FRMPD1: variants seen among roughly 807,000 people sequenced by gnomAD.
The protein encoded by FRMPD1 is FERM and PDZ domain containing 1.
In FRMPD1, 76 loss-of-function variants were observed where a neutral mutation model predicts 117.8. That is an observed-to-expected ratio of 0.65 (90% confidence interval 0.54 to 0.78). The LOEUF is 0.78. Ranked by LOEUF, FRMPD1 falls within the 30% of genes least tolerant of loss-of-function variation. FRMPD1 has a pLI of 0.00. For synonymous variants in FRMPD1, 783 were observed against 770.4 expected, an observed-to-expected ratio of 1.02 and a Z score of -0.27; for missense variants, 1,786 against 1,964.5, an observed-to-expected ratio of 0.91 and a Z score of 1.72.
the FRMPD1 span, among the ~76,000 whole-genome samples, chr9:37,643,549 C>A: frequency 6.6e-6 from 1 of 152,042 alleles, no homozygotes; most frequent in East Asian, 1.9e-4. Flanking sequence ...TCATTTTGAT[C>A]ATTTCTTTCT....
chr9:37,695,607 T>A (rs915002833), intron 2 of FRMPD1, among the ~76,000 whole-genome samples: 2 of 152,250 alleles, frequency 1.3e-5, no homozygotes, highest in African/African-American at 4.8e-5. Context: ...AAATGATCAA[T>A]AACTGAAAAA....
chr9:37,647,971 C>T (rs190179967), upstream of FRMPD1, among the ~76,000 whole-genome samples: 3 of 152,266 alleles, frequency 2.0e-5, no homozygotes, highest in East Asian at 3.9e-4. Context: ...CTTGGGTAAG[C>T]GACTTTACTT....
In FRMPD1 at chr9:37,746,089, G is replaced by A; in HGVS notation, c.4057G>A (p.Glu1353Lys). ...CFRGPQPETE[E>K]EDRDLEAHPM... ...CCGTGGCCCGCAGCCTGAGACAGAG[G>A]AAGAAGACAGGGACTTGGAAGCACA... The change falls in exon 16 of 16, where the codon GAA becomes AAA. Residue 1353 changes from glutamate (E) to lysine (K), a missense_variant. Physicochemically the swap from Glu to Lys is moderately conservative, Grantham distance 56 (BLOSUM62 1). Transcript: ENST00000377765. The A allele has an allele frequency of 1.9e-6, 3 of 1,614,214 alleles. No homozygotes were observed. Among genetic ancestry groups the A allele is most frequent in the Non-Finnish European group, 2.5e-6 (3 of 1,180,038 alleles).
the FRMPD1 span, among the ~76,000 whole-genome samples, chr9:37,639,328 T>C: frequency 6.6e-6 from 1 of 152,150 alleles, no homozygotes; most frequent in Non-Finnish European, 1.5e-5. Context: ...GAGAACTGCC[T>C]GGAGCTAGTA....
chr9:37,687,694 A>G (rs1821997215), intron 1 of FRMPD1, among the ~76,000 whole-genome samples: 3 of 152,236 alleles, frequency 2.0e-5, no homozygotes, highest in African/African-American at 4.8e-5. Flanking sequence ...ACATTAAATA[A>G]TCCTTATTAT....
At chr9:37,629,545 A>T in the FRMPD1 span, among the ~76,000 whole-genome samples, 1 of 152,216 alleles carries the variant, frequency 6.6e-6, no homozygotes, top group Non-Finnish European at 1.5e-5. Flanking sequence ...GGGCAGTAGC[A>T]ATGCAGGGCC....
At chr9:37,729,980 G>C in intron 8 of FRMPD1, 127 bp downstream of exon 8, 1 of 961,216 alleles carries the variant, frequency 1.0e-6, no homozygotes, top group Non-Finnish European at 1.5e-6. Flanking sequence ...GCCCCAGAAG[G>C]CACAGAGCTC....
At chr9:37,732,234 C>G in intron 9 of FRMPD1, 70 bp from the exon 10 acceptor site, 1 of 1,538,758 alleles carries the variant, frequency 6.5e-7, no homozygotes, top group South Asian at 1.1e-5. Context: ...TGCTGCCTTT[C>G]ACCCGAGAGA....
At position 37,711,405 on chromosome 9, in the gene FRMPD1, T is replaced by C; in HGVS notation, c.408+10T>C. On this transcript the variant is annotated intron_variant, in intron 5 of 15. Coordinates refer to ENST00000377765, the MANE Select transcript of FRMPD1 (RefSeq NM_014907.3). ...TGTTCGCTGCACGTCGGTAAATCTC[T>C]TTCTATGTCCTGTGTGTTAGTTTCA... 1.3e-6 allele frequency: 2 copies of C among 1,588,468 alleles called. No homozygotes were observed. Among genetic ancestry groups the C allele is most frequent in the Admixed American group, 1.7e-5 (1 of 59,994 alleles).
rs1823783855 is a variant in FRMPD1 at position 37,729,793 on chromosome 9, G to A, written c.678G>A (p.Leu226=). 1 of 1,613,970 alleles carries A rather than the reference G, an allele frequency of 6.2e-7. No homozygotes were observed. The highest frequency in any genetic ancestry group is 8.5e-7 in the Non-Finnish European group (1 of 1,179,890). ...IRSIEYFALA[L]EEQYSISRLH... is the part of the protein sequence containing the mutation. ...GTATCGAGTACTTTGCACTGGCCCT[G>A]GAAGAGCAGTACAGCATCTCCCGGC... is the stretch of plus-strand genomic sequence containing the variant. The change falls in exon 8 of 16, where the codon CTG becomes CTA. Residue 226 remains leucine, a synonymous_variant. Coordinates refer to ENST00000377765, the MANE Select transcript of FRMPD1 (RefSeq NM_014907.3).
chr9:37,696,155 C>T (rs1425833101), intron 2 of FRMPD1, among the ~76,000 whole-genome samples: 1 of 136,396 alleles, frequency 7.3e-6, no homozygotes, highest in African/African-American at 2.7e-5. Flanking sequence ...AGTTCTTTTA[C>T]TTCCTGTTTT....
chr9:37,717,581 T>C (rs1563946856), intron 5 of FRMPD1, among the ~76,000 whole-genome samples: 1 of 152,014 alleles, frequency 6.6e-6, no homozygotes, highest in Non-Finnish European at 1.5e-5. Context: ...GGTTTCGCCA[T>C]GTTGGCCAGG....
chr9:37,635,574 CG>C, the FRMPD1 span, among the ~76,000 whole-genome samples: 1 of 152,128 alleles, frequency 6.6e-6, no homozygotes, highest in East Asian at 1.9e-4. Flanking sequence ...AACCTGGGAG[CG>C]GGGGGCACCC....
rs536425247 is a variant in FRMPD1, at chr9:37,744,592, C to G, written c.2560C>G (p.Leu854Val). 5.0e-6 allele frequency: 8 copies of G among 1,614,136 alleles called. No individual in the cohort carries two copies. In the African/African-American group the frequency reaches 9.3e-5, roughly 19 times the overall value. ...TDYTSQVSFP[L>V]VPSASLESVD... is the part of the protein sequence containing the mutation. ...CTACACCTCTCAGGTCTCATTTCCCCTGGTGCCATCAGCCTCCCTGGAGAG... is the reference window on the plus strand; with the variant it reads ...CTACACCTCTCAGGTCTCATTTCCCGTGGTGCCATCAGCCTCCCTGGAGAG... The change falls in exon 16 of 16, where the codon CTG becomes GTG. Residue 854 changes from leucine (L) to valine (V), a missense_variant. Coordinates refer to ENST00000377765, the MANE Select transcript of FRMPD1 (RefSeq NM_014907.3).
chr9:37,671,558 C>A (rs1315044098), intron 1 of FRMPD1, among the ~76,000 whole-genome samples: 1 of 152,036 alleles, frequency 6.6e-6, no homozygotes, highest in East Asian at 1.9e-4. Flanking sequence ...GGGATATATA[C>A]AAGTAAATAG....
chr9:37,606,603 A>G, the FRMPD1 span, among the ~76,000 whole-genome samples: 1 of 152,372 alleles, frequency 6.6e-6, no homozygotes, highest in South Asian at 2.1e-4. Flanking sequence ...AATATGCACA[A>G]AACTCTTTTC....
the FRMPD1 span, among the ~76,000 whole-genome samples, chr9:37,635,371 T>C: frequency 1.3e-5 from 2 of 152,262 alleles, no homozygotes; most frequent in Non-Finnish European, 2.9e-5. Context: ...TGGCATTCAA[T>C]TTAATTCCTC....
At chr9:37,725,411 A>ACATG (rs1328937967) in intron 7 of FRMPD1, among the ~76,000 whole-genome samples, 3 of 152,346 alleles carry the variant, frequency 2.0e-5, no homozygotes, top group South Asian at 4.1e-4. Context: ...GCCAAGACAC[A>ACATG]CATGCACACA....
chr9:37,683,803 G>T (rs1006626028), intron 1 of FRMPD1, among the ~76,000 whole-genome samples: 3 of 148,938 alleles, frequency 2.0e-5, no homozygotes, highest in Admixed American at 2.0e-4. Context: ...AAAGGCTTTG[G>T]GGGGAACGAC....
Sources: gnomAD v4.1 joint callset for allele counts (sites outside exome capture counted in the v4.1 genomes callset) on GRCh38, gnomAD v4.1.1 for gene constraint, MANE v1.5 for transcripts, NCBI Gene and HGNC (gene_info 2026-07-23, HGNC 2026-07-21) for gene names.